Variants in MCTP1 observed in about 807,000 individuals in gnomAD.
MCTP1 encodes multiple C2 and transmembrane domain containing 1, also known as multiple C2 and transmembrane domain-containing protein 1.
Under a neutral mutation model 120.6 loss-of-function variants are expected in MCTP1, and 69 were observed. The observed-to-expected ratio is 0.57, with a 90% CI of 0.47 to 0.70. MCTP1 has a LOEUF of 0.70. MCTP1 is among the 30% of genes least tolerant of loss of function. The pLI, the probability that MCTP1 is intolerant of heterozygous loss-of-function variation, is 0.00. For synonymous variants in MCTP1, 529 were observed against 493.1 expected (o/e 1.07, Z -0.96); for missense variants, 1,203 against 1,248.8 (o/e 0.96, Z 0.55).
intron 17 of MCTP1, among the ~76,000 whole-genome samples, 175 bp from the exon 18 acceptor site, chr5:94,799,307 C>G (rs561302741): frequency 6.6e-6 from 1 of 152,054 alleles, no homozygotes; most frequent in Non-Finnish European, 1.5e-5. Flanking sequence ...ATAACTGACC[C>G]GTGAAAAGTC....
At chr5:94,769,283 G>A (rs1212039339) in intron 19 of MCTP1, among the ~76,000 whole-genome samples, 1 of 152,150 alleles carries the variant, frequency 6.6e-6, no homozygotes, top group African/African-American at 2.4e-5. Context: ...CATACAATTA[G>A]ATAGAAGGAC....
intron 1 of MCTP1, among the ~76,000 whole-genome samples, chr5:95,031,015 A>C (rs533780886): frequency 9.2e-5 from 14 of 152,240 alleles, no homozygotes; most frequent in African/African-American, 3.4e-4. Context: ...CTTTAACAAT[A>C]GACTAACCAA....
intron 17 of MCTP1, among the ~76,000 whole-genome samples, chr5:94,801,446 G>T (rs1181078340): frequency 1.3e-5 from 2 of 152,162 alleles, no homozygotes; most frequent in African/African-American, 4.8e-5. Flanking sequence ...TGACAAAAAA[G>T]TCTACCTTAG....
In MCTP1 at chr5:95,012,419, G is replaced by A. The variant is rs908988601; in HGVS notation, c.838+4948C>T. ...TTTTATCTGGAGTTTTATAGTATAC[G>A]CATACCTCATTTCATTGCACTTTGT... On this transcript the variant is annotated intron_variant, in intron 2 of 22. Coordinates refer to ENST00000515393, the MANE Select transcript of MCTP1 (RefSeq NM_024717.7). Among the ~76,000 whole-genome samples the A allele has an allele frequency of 2.6e-5, 4 of 151,936 alleles. No homozygotes were observed. In the East Asian group the frequency reaches 5.8e-4, roughly 22 times the overall value.
chr5:94,708,657 TGTA>T (rs765868626), intron 21 of MCTP1, 48 bp from the exon 22 acceptor site: 39 of 1,225,326 alleles, frequency 3.2e-5, no homozygotes, highest in Admixed American at 1.7e-5. Context: ...ACAAAAGTGT[TGTA>T]GTAATTTGAA....
chr5:94,857,908 T>C (rs1349811168), intron 17 of MCTP1, among the ~76,000 whole-genome samples: 3 of 151,700 alleles, frequency 2.0e-5, no homozygotes, highest in East Asian at 3.9e-4. Flanking sequence ...TGCTGTTCCA[T>C]TATGTTGTTT....
chr5:94,745,761 G>A (rs1366868382), intron 19 of MCTP1, among the ~76,000 whole-genome samples: 1 of 152,208 alleles, frequency 6.6e-6, no homozygotes, highest in African/African-American at 2.4e-5. Flanking sequence ...AGCACAAAGT[G>A]CTCGGCTGCA....
chr5:94,714,464 A>G (rs897022779), intron 20 of MCTP1, among the ~76,000 whole-genome samples: 9 of 152,168 alleles, frequency 5.9e-5, no homozygotes, highest in African/African-American at 2.2e-4. Flanking sequence ...TTCCTATCAC[A>G]ATTTCATATT....
At chr5:95,241,338 A>T (rs1407660367) in intron 1 of MCTP1, among the ~76,000 whole-genome samples, 1 of 152,148 alleles carries the variant, frequency 6.6e-6, no homozygotes, top group Non-Finnish European at 1.5e-5. Context: ...CATATTTGTA[A>T]CTCAACTTAT....
At chr5:95,174,713 CTG>C (rs1747760961) in intron 1 of MCTP1, among the ~76,000 whole-genome samples, 2 of 152,162 alleles carry the variant, frequency 1.3e-5, no homozygotes, top group South Asian at 2.1e-4. Context: ...TGTATGGATT[CTG>C]TGAGTTATTT....
At chr5:94,791,128 A>AAAAAAG (rs1561642791) in intron 18 of MCTP1, among the ~76,000 whole-genome samples, 1 of 146,068 alleles carries the variant, frequency 6.8e-6, no homozygotes, top group African/African-American at 2.7e-5. Context: ...AAAAAAAAAA[A>AAAAAAG]AAAAAGAAAA....
chr5:95,081,450 G>C (rs1408969706), intron 1 of MCTP1: 1 of 1,611,542 alleles, frequency 6.2e-7, no homozygotes, highest in Admixed American at 1.7e-5. Context: ...ATGGCAAATT[G>C]CAGGCACTTT....
chr5:95,274,635 T>TTTTTTTTTCC (rs1759671467), intron 1 of MCTP1, among the ~76,000 whole-genome samples: 1 of 151,698 alleles, frequency 6.6e-6, no homozygotes, highest in South Asian at 2.1e-4. Flanking sequence ...TCTTTTTTTC[T>TTTTTTTTTCC]TTTTTTGAGA....
intron 2 of MCTP1, among the ~76,000 whole-genome samples, chr5:95,012,015 T>C (rs1031645068): frequency 3.3e-5 from 5 of 152,072 alleles, no homozygotes; most frequent in African/African-American, 4.8e-5. Context: ...TTACTTTTAT[T>C]GGGGAAATTG....
rs1369159339 is a variant in MCTP1, at chr5:94,884,425, C to A, written c.1933+4454G>T. On this transcript the variant is annotated intron_variant, in intron 12 of 22. Coordinates refer to ENST00000515393, the MANE Select transcript of MCTP1 (RefSeq NM_024717.7). ...CTCTGGTTTCCAATTTAAACAAGTC[C>A]CCATGCGGCCTGCTCTAAAGGGCTT... Among the ~76,000 whole-genome samples, 6 of 152,090 alleles carry A rather than the reference C, an allele frequency of 3.9e-5. 1 individual carries two copies. The highest frequency in any genetic ancestry group is 3.9e-4 in the Admixed American group (6 of 15,264).
Position 94,848,045 on chromosome 5 carries a change from G to A in MCTP1, c.2436+20288C>T, listed in dbSNP as rs558085670. On this transcript the variant is annotated intron_variant, in intron 17 of 22. Coordinates refer to ENST00000515393, the MANE Select transcript of MCTP1 (RefSeq NM_024717.7). ...GGGGAGGGGGTGGTGAGCAGGTGGAGAGGAGGGCTGACAGATGATCTACAT... is the reference window on the plus strand; with the variant it reads ...GGGGAGGGGGTGGTGAGCAGGTGGAAAGGAGGGCTGACAGATGATCTACAT... Among the ~76,000 whole-genome samples, 9 of 152,136 alleles carry A rather than the reference G, an allele frequency of 5.9e-5. No individual in the cohort carries two copies. In the East Asian group the frequency reaches 9.7e-4, roughly 16 times the overall value.
chr5:94,750,807 C>T (rs1005417734), intron 19 of MCTP1, among the ~76,000 whole-genome samples: 2 of 152,140 alleles, frequency 1.3e-5, no homozygotes, highest in Non-Finnish European at 2.9e-5. Flanking sequence ...AATACTGATG[C>T]CTAATTCAAA....
chr5:95,100,890 A>G (rs1253905051), intron 1 of MCTP1, among the ~76,000 whole-genome samples: 1 of 152,246 alleles, frequency 6.6e-6, no homozygotes, highest in African/African-American at 2.4e-5. Context: ...ACAGTTTATC[A>G]AATAGTTCAC....
At chr5:94,890,323 C>A (rs545004346) in intron 11 of MCTP1, among the ~76,000 whole-genome samples, 80 of 152,242 alleles carry the variant, frequency 5.3e-4, no homozygotes, top group African/African-American at 1.9e-3. Context: ...AATATTAAAT[C>A]TCACATTGTT....
Sources: gnomAD v4.1 joint callset for allele counts (sites outside exome capture counted in the v4.1 genomes callset) on GRCh38, gnomAD v4.1.1 for gene constraint, MANE v1.5 for transcripts, NCBI Gene and HGNC (gene_info 2026-07-23, HGNC 2026-07-21) for gene names.